Variants in KCTD16 observed in about 807,000 individuals in gnomAD.
KCTD16 encodes the protein potassium channel tetramerization domain containing 16.
In KCTD16, 13 loss-of-function variants were observed where a neutral mutation model predicts 33.2. The ratio of observed to expected loss-of-function variants is 0.39; its 90% CI spans 0.25 to 0.62. The LOEUF (loss-of-function observed/expected upper bound fraction) is 0.62, where lower values mean the gene tolerates loss of function less well. Ranked by LOEUF, KCTD16 falls within the 20% of genes least tolerant of loss-of-function variation. The pLI is 0.50. For synonymous variants in KCTD16, 197 were observed against 195.3 expected (o/e 1.01, Z -0.07); for missense variants, 441 against 525.1 (o/e 0.84, Z 1.57).
intron 3 of KCTD16, among the ~76,000 whole-genome samples, chr5:144,320,246 C>G (rs1443032697): frequency 6.6e-6 from 1 of 152,052 alleles, no homozygotes; most frequent in Non-Finnish European, 1.5e-5. Flanking sequence ...GCATAGTCCC[C>G]CTCTGTGAAA....
At chr5:144,272,262 A>G (rs1755319333) in intron 3 of KCTD16, among the ~76,000 whole-genome samples, 1 of 152,026 alleles carries the variant, frequency 6.6e-6, no homozygotes, top group Admixed American at 6.6e-5. Context: ...CATCTCTACT[A>G]AAAAAAGATA....
intron 3 of KCTD16, among the ~76,000 whole-genome samples, chr5:144,358,733 T>A (rs1289605779): frequency 1.3e-5 from 2 of 152,160 alleles, no homozygotes; most frequent in Non-Finnish European, 2.9e-5. Context: ...GCAGATTTGA[T>A]GTTTGGTGAA....
At chr5:144,210,164 A>G (rs374307518) in intron 3 of KCTD16, among the ~76,000 whole-genome samples, 19 of 152,152 alleles carry the variant, frequency 1.2e-4, no homozygotes, top group East Asian at 3.9e-4. Context: ...CCTATCAACC[A>G]TGAATAAGTT....
At chr5:144,299,148 A>ATATATT (rs1751341949) in intron 3 of KCTD16, among the ~76,000 whole-genome samples, 2 of 14,066 alleles carry the variant, frequency 1.4e-4, no homozygotes, top group East Asian at 3.9e-3. Flanking sequence ...ATATATATAT[A>ATATATT]TTTTTTTTTT....
At chr5:144,237,713 T>C (rs906316158) in intron 3 of KCTD16, among the ~76,000 whole-genome samples, 3 of 152,032 alleles carry the variant, frequency 2.0e-5, no homozygotes, top group Non-Finnish European at 4.4e-5. Context: ...TTGAAGAAAA[T>C]GGCTTATGCT....
intron 3 of KCTD16, among the ~76,000 whole-genome samples, chr5:144,222,634 A>G (rs1288651989): frequency 6.6e-6 from 1 of 152,228 alleles, no homozygotes; most frequent in Non-Finnish European, 1.5e-5. Context: ...TTAAAAAGTC[A>G]GGAAACGACA....
intron 3 of KCTD16, among the ~76,000 whole-genome samples, chr5:144,376,016 G>A (rs1004193615): frequency 3.9e-5 from 6 of 151,952 alleles, no homozygotes; most frequent in Non-Finnish European, 8.8e-5. Context: ...GTAGAGACGG[G>A]GTTTCACCAT....
chr5:144,462,533 TA>T (rs1327259365), intron 3 of KCTD16, among the ~76,000 whole-genome samples: 4 of 60,518 alleles, frequency 6.6e-5, no homozygotes, highest in African/African-American at 1.2e-4. Context: ...TCAGAGCTAT[TA>T]TTTTTTTTTT....
chr5:144,245,175 T>C (rs1358429473), intron 3 of KCTD16, among the ~76,000 whole-genome samples: 1 of 152,118 alleles, frequency 6.6e-6, no homozygotes, highest in East Asian at 1.9e-4. Flanking sequence ...AGGGAGAAAA[T>C]ACACACACAA....
chr5:144,275,680 T>C (rs372179536), intron 3 of KCTD16, among the ~76,000 whole-genome samples: 1 of 152,310 alleles, frequency 6.6e-6, no homozygotes, highest in East Asian at 1.9e-4. Flanking sequence ...AATAAATACG[T>C]GCCATTCTGG....
At chr5:144,215,544 C>T (rs1753538152) in intron 3 of KCTD16, among the ~76,000 whole-genome samples, 1 of 152,204 alleles carries the variant, frequency 6.6e-6, no homozygotes, top group Admixed American at 6.5e-5. Context: ...GGTTGAATCT[C>T]AACTTTGCTA....
At chr5:144,276,626 G>A (rs919666489) in intron 3 of KCTD16, among the ~76,000 whole-genome samples, 4 of 152,050 alleles carry the variant, frequency 2.6e-5, no homozygotes, top group Middle Eastern at 3.2e-3. Context: ...CTATCTCGCC[G>A]GGCACGATGG....
chr5:144,315,233 C>T (rs1038041443), intron 3 of KCTD16, among the ~76,000 whole-genome samples: 17 of 152,192 alleles, frequency 1.1e-4, no homozygotes, highest in African/African-American at 4.1e-4. Context: ...GCACCTCTCT[C>T]AAACCTTTCT....
chr5:144,405,828 A>G (rs1752798754), intron 3 of KCTD16, among the ~76,000 whole-genome samples: 1 of 152,200 alleles, frequency 6.6e-6, no homozygotes, highest in South Asian at 2.1e-4. Context: ...AGAAAGACCC[A>G]AGACAGTAGG....
intron 2 of KCTD16, among the ~76,000 whole-genome samples, chr5:144,190,563 T>C (rs1752820866): frequency 6.6e-6 from 1 of 152,218 alleles, no homozygotes; most frequent in African/African-American, 2.4e-5. Flanking sequence ...CGATTGATTG[T>C]TGAATGAAAA....
At chr5:144,222,672 G>A (rs559340528) in intron 3 of KCTD16, among the ~76,000 whole-genome samples, 5 of 152,286 alleles carry the variant, frequency 3.3e-5, no homozygotes, top group African/African-American at 1.2e-4. Flanking sequence ...GGAGAAATAG[G>A]AACACTTTTA....
intron 3 of KCTD16, among the ~76,000 whole-genome samples, chr5:144,240,558 G>C (rs985523328): frequency 2.0e-5 from 3 of 152,078 alleles, no homozygotes; most frequent in African/African-American, 7.2e-5. Flanking sequence ...TAATACATTA[G>C]CTAAAGTATA....
chr5:144,286,176 T>C (rs1755740380), intron 3 of KCTD16, among the ~76,000 whole-genome samples: 1 of 152,160 alleles, frequency 6.6e-6, no homozygotes, highest in South Asian at 2.1e-4. Context: ...CTACTTTATT[T>C]GAGATAATAG....
chr5:144,340,035 TG>T (rs1752587864), intron 3 of KCTD16, among the ~76,000 whole-genome samples: 1 of 151,838 alleles, frequency 6.6e-6, no homozygotes, highest in Admixed American at 6.6e-5. Context: ...AGGGGGCCTG[TG>T]GGTAAATCTC....
Sources: gnomAD v4.1 joint callset for allele counts (sites outside exome capture counted in the v4.1 genomes callset) on GRCh38, gnomAD v4.1.1 for gene constraint, MANE v1.5 for transcripts, NCBI Gene and HGNC (gene_info 2026-07-23, HGNC 2026-07-21) for gene names.